CSMD3: variants seen among roughly 807,000 people sequenced by gnomAD.
CSMD3 encodes the protein CUB and Sushi multiple domains 3.
Under a neutral mutation model 435.2 loss-of-function variants are expected in CSMD3, and 177 were observed. That is an observed-to-expected ratio of 0.41 (90% CI 0.36 to 0.46). The LOEUF is 0.46. Among genes scored for constraint, CSMD3 ranks in the 20% least tolerant of loss-of-function variants. The probability of loss-of-function intolerance (pLI) is 0.34; values close to 1 mark genes in which losing one functional copy is unlikely to be tolerated. For missense variants in CSMD3, 4,265 were observed against 4,504.6 expected (o/e 0.95, Z 1.52); for synonymous variants, 1,656 against 1,520.5 (o/e 1.09, Z -2.07).
chr8:112,925,366 G>A (rs535239486), intron 9 of CSMD3, among the ~76,000 whole-genome samples: 4 of 151,996 alleles, frequency 2.6e-5, no homozygotes, highest in African/African-American at 7.2e-5. Context: ...AGACCATCCT[G>A]GCTAACACGG....
intron 10 of CSMD3, among the ~76,000 whole-genome samples, chr8:112,865,146 T>C (rs2080941238): frequency 6.6e-6 from 1 of 152,192 alleles, no homozygotes; most frequent in Non-Finnish European, 1.5e-5. Context: ...AACCATGCTT[T>C]GGAAAATGCC....
chr8:112,488,676 T>C (rs1820384562), intron 31 of CSMD3, among the ~76,000 whole-genome samples: 1 of 152,104 alleles, frequency 6.6e-6, no homozygotes, highest in Non-Finnish European at 1.5e-5. Context: ...TTGATAAAAT[T>C]AGAAATAGAG....
intron 34 of CSMD3, among the ~76,000 whole-genome samples, chr8:112,407,738 T>C (rs1831983985): frequency 6.6e-6 from 1 of 152,060 alleles, no homozygotes; most frequent in African/African-American, 2.4e-5. Flanking sequence ...ACCATATATA[T>C]TTCAAAGACA....
In CSMD3 at chr8:112,378,269, GA is replaced by G. The variant is rs1280601732; in HGVS notation, c.6136+2082del. On this transcript the variant is annotated intron_variant, in intron 38 of 70. Transcript: ENST00000297405. The stretch of plus-strand genomic sequence containing the variant: ...AGTAGGGAGGTTTCATTAAAAAAAA[GA>G]AAAAAAAAACGGAAAATAGAACTAT... Among the ~76,000 whole-genome samples the G allele has an allele frequency of 6.0e-3, 857 of 142,232 alleles. 6 individuals carry two copies. Among genetic ancestry groups the G allele is most frequent in the African/African-American group, 0.015 (591 of 38,842 alleles). 93.3% of individuals were successfully genotyped at this position (142,232 alleles called of 152,430 possible).
chr8:113,394,050 G>A (rs962510414), intron 1 of CSMD3, among the ~76,000 whole-genome samples: 3 of 151,990 alleles, frequency 2.0e-5, no homozygotes, highest in African/African-American at 4.8e-5. Flanking sequence ...AACGTATAGA[G>A]TCTGCATTCT....
intron 4 of CSMD3, among the ~76,000 whole-genome samples, chr8:113,162,613 T>C (rs1224098192): frequency 3.3e-5 from 5 of 150,902 alleles, no homozygotes; most frequent in Non-Finnish European, 5.9e-5. Context: ...TCTAACCAAA[T>C]TTCTTGAATT....
At chr8:113,319,494 T>C (rs1163218264) in intron 1 of CSMD3, among the ~76,000 whole-genome samples, 1 of 152,088 alleles carries the variant, frequency 6.6e-6, no homozygotes, top group Non-Finnish European at 1.5e-5. Flanking sequence ...AAAATATTTT[T>C]AATAGCCCAT....
intron 4 of CSMD3, among the ~76,000 whole-genome samples, chr8:113,127,345 A>C (rs1588122408): frequency 6.6e-6 from 1 of 151,354 alleles, no homozygotes; most frequent in Non-Finnish European, 1.5e-5. Flanking sequence ...TTTCTTCCAC[A>C]TTCACCTCCT....
chr8:113,344,968 T>C (rs1476307182), intron 1 of CSMD3, among the ~76,000 whole-genome samples: 2 of 152,128 alleles, frequency 1.3e-5, no homozygotes, highest in African/African-American at 2.4e-5. Context: ...TGTAGTATTA[T>C]ACAGATTTCA....
intron 6 of CSMD3, 134 bp from the exon 7 acceptor site, chr8:112,976,282 C>T (rs2084845241): frequency 2.0e-6 from 2 of 1,015,994 alleles, no homozygotes; most frequent in South Asian, 1.5e-5. Flanking sequence ...AACACAAACA[C>T]GCGAGTAAAT....
intron 27 of CSMD3, among the ~76,000 whole-genome samples, chr8:112,540,349 C>A (rs1411148640): frequency 1.3e-5 from 2 of 152,054 alleles, no homozygotes; most frequent in Non-Finnish European, 2.9e-5. Flanking sequence ...TTAATTAATG[C>A]AGCAACTATA....
chr8:112,465,843 T>C (rs2130710248), intron 32 of CSMD3, among the ~76,000 whole-genome samples: 1 of 151,932 alleles, frequency 6.6e-6, no homozygotes, highest in African/African-American at 2.4e-5. Context: ...GATGTGGTGG[T>C]GGGCGCCTAT....
chr8:113,019,351 G>C (rs1433129865), intron 5 of CSMD3, among the ~76,000 whole-genome samples, 172 bp from the exon 6 acceptor site: 1 of 152,062 alleles, frequency 6.6e-6, no homozygotes, highest in Non-Finnish European at 1.5e-5. Context: ...TCACAGAATA[G>C]TGCAATTCCA....
At chr8:112,729,148 T>C (rs1165100485) in intron 13 of CSMD3, among the ~76,000 whole-genome samples, 3 of 152,000 alleles carry the variant, frequency 2.0e-5, no homozygotes, top group Admixed American at 6.6e-5. Context: ...CTCCAGATGA[T>C]TTTGTCAAAG....
intron 7 of CSMD3, among the ~76,000 whole-genome samples, chr8:112,959,973 T>G (rs1453710305): frequency 6.6e-6 from 1 of 151,866 alleles, no homozygotes; most frequent in Non-Finnish European, 1.5e-5. Context: ...TTCTATTCAG[T>G]TCTAAGAGAT....
chr8:113,301,803 C>T (rs1035960630), intron 2 of CSMD3, among the ~76,000 whole-genome samples: 1 of 151,868 alleles, frequency 6.6e-6, no homozygotes, highest in East Asian at 1.9e-4. Flanking sequence ...TAACATCAAA[C>T]TTGAACATCT....
intron 11 of CSMD3, among the ~76,000 whole-genome samples, chr8:112,844,254 C>T (rs2080257942): frequency 6.6e-6 from 1 of 151,828 alleles, no homozygotes; most frequent in Non-Finnish European, 1.5e-5. Context: ...TATCTTTTCT[C>T]TTGCTAGCTA....
chr8:112,322,900 A>G (rs559293352), intron 45 of CSMD3, among the ~76,000 whole-genome samples: 119 of 152,152 alleles, frequency 7.8e-4, no homozygotes, highest in Middle Eastern at 3.4e-3. Context: ...TCTTGTCACT[A>G]TACTTATAAT....
chr8:112,889,230 T>A (rs2081704789), intron 10 of CSMD3, among the ~76,000 whole-genome samples: 1 of 151,608 alleles, frequency 6.6e-6, no homozygotes, highest in Non-Finnish European at 1.5e-5. Context: ...CTGTCCCAAA[T>A]AATAGATTTA....
Sources: gnomAD v4.1 joint callset for allele counts (sites outside exome capture counted in the v4.1 genomes callset) on GRCh38, gnomAD v4.1.1 for gene constraint, MANE v1.5 for transcripts, NCBI Gene and HGNC (gene_info 2026-07-23, HGNC 2026-07-21) for gene names.